Variants in EXOC3 observed in about 807,000 individuals in gnomAD.
EXOC3 encodes SEC6-like 1.
EXOC3 carries 21 observed loss-of-function variants against 73.7 expected under a neutral mutation model. The ratio of observed to expected loss-of-function variants is 0.29; its 90% CI spans 0.20 to 0.41. The LOEUF (loss-of-function observed/expected upper bound fraction) is 0.41, where lower values mean the gene tolerates loss of function less well. Among genes scored for constraint, EXOC3 ranks in the 10% least tolerant of loss-of-function variants. The probability of loss-of-function intolerance (pLI) is 1.00; values close to 1 mark genes in which losing one functional copy is unlikely to be tolerated. For synonymous variants in EXOC3, 410 were observed against 389.1 expected (o/e 1.05, Z -0.63); for missense variants, 842 against 985.1 (o/e 0.85, Z 1.95).
rs1361133853 is a variant in EXOC3, at chr5:455,980, A to T, written c.1047-909A>T. 2.0e-5 allele frequency among the ~76,000 whole-genome samples: 3 copies of T among 152,218 alleles called. No individual in the cohort carries two copies. In the East Asian group the frequency reaches 5.8e-4, roughly 29 times the overall value. ...GTCTTCTGGACAGTAGACCTCACGT[A>T]GTTTTGCCTGTTCTTGCGGATGCGT... is the stretch of plus-strand genomic sequence containing the variant. On this transcript the variant is annotated intron_variant, in intron 4 of 12. Coordinates refer to ENST00000512944, the MANE Select transcript of EXOC3 (RefSeq NM_007277.5).
intron 3 of EXOC3, among the ~76,000 whole-genome samples, chr5:451,106 G>A (rs2672761): frequency 0.73 from 110,792 of 152,128 alleles, 40,693 homozygotes; most frequent in African/African-American, 0.84. Flanking sequence ...TTCTATATGC[G>A]GTATAACATT....
Position 465,268 on chromosome 5 carries a change from CGTCCG to C in EXOC3, c.1935_1938+1del. 1 of 1,580,994 alleles carries C rather than the reference CGTCCG, an allele frequency of 6.3e-7. No individual in the cohort carries two copies. The highest frequency in any genetic ancestry group is 8.6e-7 in the Non-Finnish European group (1 of 1,164,276). ...CTGCGCTTCCTGTTCCGGAAGCTGG[CGTCCG>C]TGAGTGTCGCGCAGGTCCGGGCTGG... On this transcript the variant is annotated splice_donor_variant and coding_sequence_variant, in exon 11 of 13. Transcript: ENST00000512944. LOFTEE classifies it high-confidence loss of function.
chr5:453,475 A>G lies in EXOC3; in HGVS notation c.470A>G (p.Tyr157Cys), dbSNP rs752540486. 1 of 1,613,810 alleles carries G rather than the reference A, an allele frequency of 6.2e-7. No individual in the cohort carries two copies. Among genetic ancestry groups the G allele is most frequent in the Non-Finnish European group, 8.5e-7 (1 of 1,179,802 alleles). Residue 157 changes from tyrosine to cysteine, a missense_variant, in exon 4 of 13, where the codon TAC (tyrosine) becomes TGC (cysteine). Physicochemically the swap from Tyr to Cys is radical, Grantham distance 194. Coordinates refer to ENST00000512944, the MANE Select transcript of EXOC3 (RefSeq NM_007277.5). Reference protein sequence around the residue: ...DLECSRDGLMYEQYRMDSGNT... With the variant: ...DLECSRDGLMCEQYRMDSGNT... The stretch of plus-strand genomic sequence containing the variant: ...GAGTGCTCCCGGGACGGGCTGATGT[A>G]CGAGCAGTACCGCATGGACAGTGGG...
chr5:464,467 A>G (rs775779509), intron 10 of EXOC3, 55 bp downstream of exon 10: 3 of 1,588,868 alleles, frequency 1.9e-6, no homozygotes, highest in East Asian at 4.5e-5. Context: ...CTCACCTCTC[A>G]CCCTGCTCAG....
At chr5:450,339 G>T (rs905497612) in intron 3 of EXOC3, among the ~76,000 whole-genome samples, 3 of 152,198 alleles carry the variant, frequency 2.0e-5, no homozygotes, top group Admixed American at 6.5e-5. Flanking sequence ...CCACAAATTG[G>T]TGAATTTTAC....
At chr5:443,489 G>A (rs1281560486) in intron 1 of EXOC3, among the ~76,000 whole-genome samples, 199 bp downstream of exon 1, 1 of 152,086 alleles carries the variant, frequency 6.6e-6, no homozygotes, top group Non-Finnish European at 1.5e-5. Flanking sequence ...TGTCCTCCCC[G>A]GCACATGTGT....
At chr5:455,770 A>G (rs1579739075) in intron 4 of EXOC3, among the ~76,000 whole-genome samples, 1 of 152,058 alleles carries the variant, frequency 6.6e-6, no homozygotes, top group South Asian at 2.1e-4. Flanking sequence ...TGCCCCGCTA[A>G]TTTTTTTGTA....
At chr5:465,376 T>G (rs1163829296) in intron 11 of EXOC3, 104 bp downstream of exon 11, 9 of 1,335,474 alleles carry the variant, frequency 6.7e-6, no homozygotes, top group East Asian at 2.5e-5. Flanking sequence ...TGTCGTGTGT[T>G]TGTCAGGCGG....
chr5:447,241 C>T (rs79070593), intron 2 of EXOC3: 44,207 of 322,150 alleles, frequency 0.14, 3,939 homozygotes, highest in Non-Finnish European at 0.19. Flanking sequence ...AGGGCAGACC[C>T]GTGGTAGTGT....
intron 9 of EXOC3, among the ~76,000 whole-genome samples, chr5:463,742 C>T (rs1408311501): frequency 1.3e-5 from 2 of 152,122 alleles, no homozygotes; most frequent in Non-Finnish European, 2.9e-5. Context: ...AAAAATTCAA[C>T]TTTAAGGAAT....
chr5:450,433 T>C (rs1328109194), intron 3 of EXOC3, among the ~76,000 whole-genome samples: 1 of 152,242 alleles, frequency 6.6e-6, no homozygotes, highest in Admixed American at 6.5e-5. Flanking sequence ...TTTAAAAACC[T>C]GAGTCTTAAT....
intron 7 of EXOC3, chr5:461,672 G>A (rs115636932): frequency 0.01 from 4,007 of 397,130 alleles, 56 homozygotes; most frequent in African/African-American, 0.042. Context: ...TCACTGCAGC[G>A]CAGCCAGCAG....
chr5:465,004 C>G, intron 10 of EXOC3, 107 bp from the exon 11 acceptor site: 1 of 1,225,396 alleles, frequency 8.2e-7, no homozygotes, highest in Non-Finnish European at 1.1e-6. Flanking sequence ...GAGGAGTGGG[C>G]TCAGAGCCTC....
intron 1 of EXOC3, among the ~76,000 whole-genome samples, 181 bp downstream of exon 1, chr5:443,471 G>A (rs1343963348): frequency 6.6e-6 from 1 of 152,234 alleles, no homozygotes; most frequent in Non-Finnish European, 1.5e-5. Context: ...GAGTGTCCTC[G>A]GCGCAGGTGT....
At chr5:461,636 C>G (rs1391103681) in intron 7 of EXOC3, 1 of 274,150 alleles carries the variant, frequency 3.6e-6, no homozygotes, top group Non-Finnish European at 7.0e-6. Flanking sequence ...GAGACAAGGT[C>G]TGATTAGGTT....
At chr5:456,793 G>A (rs1341518659) in intron 4 of EXOC3, 96 bp from the exon 5 acceptor site, 8 of 924,448 alleles carry the variant, frequency 8.7e-6, no homozygotes, top group Non-Finnish European at 1.4e-5. Context: ...CAGGGTGGTG[G>A]ACATTCATGT....
In EXOC3 at chr5:446,255, C is replaced by T; in HGVS notation, c.50C>T (p.Ala17Val). ...EAVATAVQRV[A>V]GMLQRPDQLD... The stretch of plus-strand genomic sequence containing the variant: ...GTTGCGACAGCAGTGCAAAGGGTTG[C>T]TGGGATGCTCCAGCGCCCGGACCAG... Residue 17 changes from alanine to valine, a missense_variant, in exon 2 of 13, where the codon GCT becomes GTT. Ala to Val is a moderately conservative substitution (Grantham distance 64). Transcript: ENST00000512944. The T allele has an allele frequency of 6.2e-7, 1 of 1,613,990 alleles. No homozygotes were observed. The highest frequency in any genetic ancestry group is 8.5e-7 in the Non-Finnish European group (1 of 1,179,868).
At chr5:454,181 T>C (rs1416474966) in intron 4 of EXOC3, 130 bp downstream of exon 4, 8 of 720,520 alleles carry the variant, frequency 1.1e-5, no homozygotes, top group Non-Finnish European at 1.8e-5. Flanking sequence ...ACAGCCTTGG[T>C]TTCCAGCCCA....
In EXOC3 at chr5:445,590, G is replaced by A. The variant is rs540300177; in HGVS notation, c.-56-560G>A. The stretch of plus-strand genomic sequence containing the variant: ...AGGATGGTCTCGATCTCCTGACCTC[G>A]TGATCCACCCGCCTCGGCCTGCCAA... On this transcript the variant is annotated intron_variant, in intron 1 of 12. Coordinates refer to ENST00000512944, the MANE Select transcript of EXOC3 (RefSeq NM_007277.5). Among the ~76,000 whole-genome samples, 225 of 152,242 alleles carry A rather than the reference G, an allele frequency of 1.5e-3. 2 individuals are homozygous for A. The Middle Eastern group carries it at 0.027, about 18-fold the overall frequency.
Sources: allele counts gnomAD v4.1 joint callset (sites outside exome capture counted in the v4.1 genomes callset), GRCh38; gene constraint gnomAD v4.1.1; transcripts MANE v1.5; gene names NCBI Gene and HGNC (gene_info 2026-07-23, HGNC 2026-07-21).